The following MAPK6 variants were observed in gnomAD, a reference collection of about 807,000 sequenced individuals.
The protein encoded by MAPK6 is mitogen-activated protein kinase 6.
Under a neutral mutation model 59.3 loss-of-function variants are expected in MAPK6, and 19 were observed. The ratio of observed to expected loss-of-function variants is 0.32; its 90% CI spans 0.22 to 0.47. The LOEUF (loss-of-function observed/expected upper bound fraction) is 0.47. MAPK6 is among the 20% of genes least tolerant of loss of function. MAPK6 has a pLI of 1.00. For synonymous variants in MAPK6, 316 were observed against 290.3 expected, an observed-to-expected ratio of 1.09 and a Z score of -0.90; for missense variants, 724 against 847.9, an observed-to-expected ratio of 0.85 and a Z score of 1.81.
chr15:51,992,300 TA>T (rs1293350489), intron 2 of MAPK6, among the ~76,000 whole-genome samples: 4 of 48,318 alleles, frequency 8.3e-5, no homozygotes, highest in South Asian at 6.7e-4. Context: ...TCTATATATA[TA>T]TATATTTTTT....
At chr15:52,057,440 C>G (rs1031073969) in intron 3 of MAPK6, among the ~76,000 whole-genome samples, 8 of 152,304 alleles carry the variant, frequency 5.3e-5, no homozygotes, top group African/African-American at 1.4e-4. Context: ...ACCAACCTGC[C>G]TCTGTCTTCT....
intron 3 of MAPK6, among the ~76,000 whole-genome samples, chr15:52,055,958 G>T (rs1488271040): frequency 3.3e-5 from 5 of 152,206 alleles, no homozygotes; most frequent in South Asian, 4.1e-4. Flanking sequence ...GCAATGAAAT[G>T]ATTGGAAAGA....
At chr15:52,032,608 A>T (rs920989486) in intron 1 of MAPK6, among the ~76,000 whole-genome samples, 3 of 152,166 alleles carry the variant, frequency 2.0e-5, no homozygotes, top group African/African-American at 7.2e-5. Flanking sequence ...CTTTCATCCT[A>T]AAAGACTTCT....
At chr15:51,973,529 A>T (rs1224282800) in intron 1 of MAPK6, among the ~76,000 whole-genome samples, 1 of 151,904 alleles carries the variant, frequency 6.6e-6, no homozygotes, top group African/African-American at 2.4e-5. Flanking sequence ...ATTGAATTAC[A>T]GTTTGGTCTG....
rs1249661121 is a variant in MAPK6 at position 52,066,228 on chromosome 15, G to GAAGA, written c.*1231_*1234dup. On this transcript the variant is annotated 3_prime_UTR_variant, in exon 6 of 6. Coordinates refer to ENST00000261845, the MANE Select transcript of MAPK6 (RefSeq NM_002748.4). The stretch of plus-strand genomic sequence containing the variant: ...GTCTGTATCTTTGGTTATCCTGTTT[G>GAAGA]AAGAAAAAGGACAAATAAAACATGG... The GAAGA allele has an allele frequency of 6.6e-6, 1 of 152,258 alleles. No individual in the cohort carries two copies. Among genetic ancestry groups the GAAGA allele is most frequent in the African/African-American group, 2.4e-5 (1 of 41,416 alleles). The allele number at this position is 152,258 out of a possible 1,614,324, so 9.4% of individuals were successfully genotyped here.
intron 3 of MAPK6, chr15:52,056,842 C>A (rs2032003397): frequency 7.4e-6 from 1 of 135,070 alleles, no homozygotes; most frequent in Admixed American, 7.7e-5. Flanking sequence ...GATGATGACT[C>A]CTGAATTTAT....
chr15:52,039,149 A>G (rs2031334069), intron 1 of MAPK6, among the ~76,000 whole-genome samples: 1 of 152,094 alleles, frequency 6.6e-6, no homozygotes, highest in Admixed American at 6.6e-5. Flanking sequence ...GTAGCTGATT[A>G]CAGCAGTGCA....
In MAPK6 at chr15:52,061,494, G is replaced by A. The variant is rs1340286099; in HGVS notation, c.1061G>A (p.Trp354Ter). The change falls in exon 5 of 6, where the codon TGG becomes TAG. Residue 354 changes from tryptophan (W) to a stop codon, truncating the protein, a stop_gained. Transcript: ENST00000261845. LOFTEE classifies it high-confidence loss of function. ...MDETHSHIYNWERYHDCQFSE... is the reference protein window; with the variant it reads ...MDETHSHIYN ...GAAACTCACAGTCACATTTATAACT[G>A]GGAAAGGTAAATTGATCCTAAATTA... 6.2e-7 allele frequency: 1 copy of A among 1,607,614 alleles called. No individual in the cohort carries two copies. The highest frequency in any genetic ancestry group is 8.5e-7 in the Non-Finnish European group (1 of 1,174,566).
chr15:52,016,061 C>CGCGCGCGT (rs1555396584), upstream of MAPK6, among the ~76,000 whole-genome samples: 1 of 71,690 alleles, frequency 1.4e-5, no homozygotes, highest in East Asian at 4.1e-4. Context: ...ATCGCGCGCG[C>CGCGCGCGT]GCGCGCGCGC....
intron 3 of MAPK6, among the ~76,000 whole-genome samples, chr15:52,055,810 C>T (rs1013366200): frequency 4.6e-5 from 7 of 152,130 alleles, no homozygotes; most frequent in Admixed American, 3.3e-4. Context: ...CCACTGCTCT[C>T]GGCTGTATTT....
intron 1 of MAPK6, among the ~76,000 whole-genome samples, chr15:51,976,789 A>G (rs1412109440): frequency 6.6e-6 from 1 of 151,434 alleles, no homozygotes; most frequent in Non-Finnish European, 1.5e-5. Flanking sequence ...CTAAAAATAC[A>G]AAAATTAGCC....
chr15:52,014,202 G>A (rs1242976433), intron 3 of MAPK6, among the ~76,000 whole-genome samples: 2 of 151,720 alleles, frequency 1.3e-5, no homozygotes, highest in Non-Finnish European at 2.9e-5. Context: ...TTGCATCTCT[G>A]CTCAGGAAGC....
rs1000254447 is a variant in MAPK6 at position 51,977,154 on chromosome 15, C to T, written c.-880+5248C>T. ...AGTAGCTGGGATTACAGGTGCACACCACCACGCCCGGCTAATTTTTTGTAT... is the reference window on the plus strand; with the variant it reads ...AGTAGCTGGGATTACAGGTGCACACTACCACGCCCGGCTAATTTTTTGTAT... On this transcript the variant is annotated intron_variant, in intron 1 of 7. Transcript: ENST00000691380. Among the ~76,000 whole-genome samples, 3 of 151,106 alleles carry T rather than the reference C, an allele frequency of 2.0e-5. No homozygotes were observed. In the East Asian group the frequency reaches 5.9e-4, roughly 30 times the overall value.
chr15:52,004,561 G>A (rs2057251993), intron 3 of MAPK6, among the ~76,000 whole-genome samples: 2 of 152,074 alleles, frequency 1.3e-5, no homozygotes, highest in South Asian at 4.1e-4. Flanking sequence ...AATTTATAAA[G>A]GAAAAAAATT....
chr15:52,043,585 C>T (rs1196672644), intron 1 of MAPK6, among the ~76,000 whole-genome samples: 1 of 151,974 alleles, frequency 6.6e-6, no homozygotes, highest in Non-Finnish European at 1.5e-5. Context: ...GCGTGAGCCA[C>T]CGCGCCTGGC....
At chr15:52,025,380 A>G (rs1011276676) in intron 1 of MAPK6, among the ~76,000 whole-genome samples, 6 of 152,364 alleles carry the variant, frequency 3.9e-5, no homozygotes, top group South Asian at 2.1e-4. Context: ...GCCCAGTTGA[A>G]CTTTCTATGA....
chr15:52,064,190 A>C lies in MAPK6; in HGVS notation c.1356A>C (p.Ser452=), dbSNP rs551953693. The C allele has an allele frequency of 4.3e-6, 7 of 1,612,530 alleles. No individual in the cohort carries two copies. In the African/African-American group the frequency reaches 6.7e-5, roughly 15 times the overall value. Residue 452 remains serine (S), a synonymous_variant, in exon 6 of 6, where the codon TCA becomes TCC. Coordinates refer to ENST00000261845, the MANE Select transcript of MAPK6 (RefSeq NM_002748.4). ...HTCNYKTRSS[S]YLDNLVWRES... ...GTAACTACAAAACGAGGTCATCATC[A>C]TATTTAGATAACTTAGTTTGGAGAG...
chr15:52,065,790 G>C lies in MAPK6; in HGVS notation c.*790G>C, dbSNP rs768233321. On this transcript the variant is annotated 3_prime_UTR_variant, in exon 6 of 6. Transcript: ENST00000261845. ...ACTATGGTTTGTTGCCTACCTAGCTGCATCTATAATGTCAGCTTATCCTAA... is the reference window on the plus strand; with the variant it reads ...ACTATGGTTTGTTGCCTACCTAGCTCCATCTATAATGTCAGCTTATCCTAA... 2 of 152,496 alleles carry C rather than the reference G, an allele frequency of 1.3e-5. No homozygotes were observed. Among genetic ancestry groups the C allele is most frequent in the Non-Finnish European group, 2.9e-5 (2 of 68,008 alleles). The allele number at this position is 152,496 out of a possible 1,614,324, so 9.4% of individuals were successfully genotyped here.
At chr15:52,054,664 G>T (rs932616771) in intron 3 of MAPK6, among the ~76,000 whole-genome samples, 4 of 151,086 alleles carry the variant, frequency 2.6e-5, no homozygotes, top group African/African-American at 9.7e-5. Context: ...AGAATTTTTG[G>T]ACCTTTTTTT....
Sources: allele counts gnomAD v4.1 joint callset (sites outside exome capture counted in the v4.1 genomes callset), GRCh38; gene constraint gnomAD v4.1.1; transcripts MANE v1.5; gene names NCBI Gene and HGNC (gene_info 2026-07-23, HGNC 2026-07-21).